Variants in CLTC observed in about 807,000 individuals in gnomAD.
The protein encoded by CLTC is clathrin heavy chain, also known as clathrin heavy chain 1.
Under a neutral mutation model 195.8 loss-of-function variants are expected in CLTC, and 16 were observed. The observed-to-expected ratio is 0.08, with a 90% CI of 0.06 to 0.12. The LOEUF (loss-of-function observed/expected upper bound fraction) is 0.12, where lower values mean the gene tolerates loss of function less well. Among genes scored for constraint, CLTC ranks in the 10% least tolerant of loss-of-function variants. CLTC has a pLI of 1.00. For missense variants in CLTC, 796 were observed against 2,027.0 expected (o/e 0.39, Z 11.66); for synonymous variants, 667 against 689.4 (o/e 0.97, Z 0.51).
chr17:59,643,131 G>GT (rs2032086159), intron 1 of CLTC, among the ~76,000 whole-genome samples: 1 of 136,218 alleles, frequency 7.3e-6, no homozygotes, highest in African/African-American at 3.3e-5. Flanking sequence ...TTCTTTTCTG[G>GT]GGTGTGTGTG....
rs2032261226 is a variant in CLTC, at chr17:59,648,904, A to G, written c.681+503A>G. Among the ~76,000 whole-genome samples, 1 of 152,202 alleles carries G rather than the reference A, an allele frequency of 6.6e-6. No homozygotes were observed. The highest frequency in any genetic ancestry group is 2.4e-5 in the African/African-American group (1 of 41,452). ...GAGACAGGGTCTCACTATACTGCCC[A>G]GGCTGGTCTCAAACCTCTGGGTCCA... On this transcript the variant is annotated intron_variant, in intron 4 of 31. Coordinates refer to ENST00000269122, the MANE Select transcript of CLTC (RefSeq NM_004859.4). The surrounding 1 kb of genome is among the most constrained non-coding windows in gnomAD (Gnocchi z 4.5).
chr17:59,656,735 A>G (rs1042508459), intron 6 of CLTC, among the ~76,000 whole-genome samples: 4 of 132,834 alleles, frequency 3.0e-5, no homozygotes, highest in East Asian at 2.2e-4. Flanking sequence ...GTGCAGTGGC[A>G]TGATCTCAGC....
At chr17:59,656,136 C>A in intron 6 of CLTC, 109 bp downstream of exon 6, 2 of 952,064 alleles carry the variant, frequency 2.1e-6, no homozygotes, top group Non-Finnish European at 3.0e-6. Context: ...AGAAAATAAA[C>A]ATATTACTGT....
chr17:59,694,617 C>T lies in CLTC; in HGVS notation c.*765C>T, dbSNP rs1296536186. 1 of 226,990 alleles carries T rather than the reference C, an allele frequency of 4.4e-6. No homozygotes were observed. Among genetic ancestry groups the T allele is most frequent in the Non-Finnish European group, 8.8e-6 (1 of 114,046 alleles). 14.1% of individuals were successfully genotyped at this position (226,990 alleles called of 1,614,324 possible). A position where few individuals can be genotyped will look rare whatever the true frequency, so the allele number is the denominator to read the frequency against. ...ATCTTGTGTGTGTTTACTAACCCTT[C>T]CCTGAGGTTTGTGTATGTTGGATAT... On this transcript the variant is annotated 3_prime_UTR_variant, in exon 32 of 32. Transcript: ENST00000269122.
chr17:59,640,149 C>G lies in CLTC; in HGVS notation c.43-4127C>G, dbSNP rs1299955143. Among the ~76,000 whole-genome samples, 3 of 152,112 alleles carry G rather than the reference C, an allele frequency of 2.0e-5. No individual in the cohort carries two copies. In the South Asian group the frequency reaches 6.2e-4, roughly 32 times the overall value. On this transcript the variant is annotated intron_variant, in intron 1 of 31. Coordinates refer to ENST00000269122, the MANE Select transcript of CLTC (RefSeq NM_004859.4). ...GACATAGTTATATAGTTTGGCCACC[C>G]TGTTACATGCTCCTACTGTAAGGGT... is the stretch of plus-strand genomic sequence containing the variant.
In CLTC at chr17:59,681,924, G is replaced by T. The variant is rs1441988960; in HGVS notation, c.3442+85G>T. On this transcript the variant is annotated intron_variant, in intron 21 of 31. Transcript: ENST00000269122. This position sits in a 1 kb window ranked among gnomAD's most constrained non-coding sequence, Gnocchi z 5.0. The stretch of plus-strand genomic sequence containing the variant: ...TATCTGTCTATTCTGAATTTTAGAA[G>T]AGTTGGATACTGCATGGTTTCTTTT... 2.8e-5 allele frequency: 34 copies of T among 1,225,744 alleles called. No individual in the cohort carries two copies. Among genetic ancestry groups the T allele is most frequent in the Non-Finnish European group, 3.6e-5 (32 of 881,368 alleles). The allele number at this position is 1,225,744 out of a possible 1,614,324, so 75.9% of individuals were successfully genotyped here.
In CLTC at chr17:59,683,783, T is replaced by C. The variant is rs371441592; in HGVS notation, c.4323+27T>C. Reference sequence around the variant, plus strand: ...TAAAGTAATAATTTTAAACCAAAGCTTCATAGCAAGGAATTAGGACATACT... The same window carrying C: ...TAAAGTAATAATTTTAAACCAAAGCCTCATAGCAAGGAATTAGGACATACT... On this transcript the variant is annotated intron_variant, in intron 27 of 31. Transcript: ENST00000269122. This position sits in a 1 kb window ranked among gnomAD's most constrained non-coding sequence, Gnocchi z 6.1. The C allele has an allele frequency of 1.6e-5, 26 of 1,613,902 alleles. No homozygotes were observed. In the African/African-American group the frequency reaches 2.9e-4, roughly 18 times the overall value.
chr17:59,679,576 G>C, intron 18 of CLTC, 57 bp downstream of exon 18: 1 of 1,488,604 alleles, frequency 6.7e-7, no homozygotes, highest in Non-Finnish European at 9.1e-7. Context: ...TTTTAACTAT[G>C]AATACAATCC....
chr17:59,668,616 C>G (rs1434155217), intron 13 of CLTC, among the ~76,000 whole-genome samples, 161 bp from the exon 14 acceptor site: 1 of 152,156 alleles, frequency 6.6e-6, no homozygotes, highest in Non-Finnish European at 1.5e-5. Context: ...ATCCATTTTA[C>G]TGATCTGATT....
At position 59,685,600 on chromosome 17, in the gene CLTC, A is replaced by G; in HGVS notation, c.4619A>G (p.Tyr1540Cys). 1 of 1,613,910 alleles carries G rather than the reference A, an allele frequency of 6.2e-7. No homozygotes were observed. Among genetic ancestry groups the G allele is most frequent in the Non-Finnish European group, 8.5e-7 (1 of 1,179,808 alleles). ...TTCTTTGAATAGGATGCAATGCAGTATGCTTCTGAATCTAAAGATACTGAA... is the reference window on the plus strand; with the variant it reads ...TTCTTTGAATAGGATGCAATGCAGTGTGCTTCTGAATCTAAAGATACTGAA... ...KDSLYKDAMQYASESKDTELA... is the reference protein window; with the variant it reads ...KDSLYKDAMQCASESKDTELA... Residue 1540 changes from tyrosine (Y) to cysteine (C), a missense_variant, in exon 30 of 32, where the codon TAT becomes TGT. Coordinates refer to ENST00000269122, the MANE Select transcript of CLTC (RefSeq NM_004859.4). The surrounding 1 kb of genome is among the most constrained non-coding windows in gnomAD (Gnocchi z 5.0).
rs1567946039 is a variant in CLTC, at chr17:59,651,335, A to C, written c.795+19A>C. On this transcript the variant is annotated intron_variant, in intron 5 of 31. Transcript: ENST00000269122. ...AATGCAGGTATTTTAAGCAAAATAA[A>C]TGACTTTTTAAAAATCTCTCCTCTT... 2.6e-6 allele frequency: 4 copies of C among 1,535,348 alleles called. 1 individual carries two copies. In the South Asian group the frequency reaches 3.4e-5, roughly 13 times the overall value.
Position 59,685,112 on chromosome 17 carries a change from G to A in CLTC, c.4491G>A (p.Gln1497=). The A allele has an allele frequency of 6.2e-7, 1 of 1,609,534 alleles. No individual in the cohort carries two copies. Among genetic ancestry groups the A allele is most frequent in the Non-Finnish European group, 8.5e-7 (1 of 1,177,052 alleles). ...YDNFDNISLA[Q]RLEKHELIEF... is the part of the protein sequence containing the mutation. ...ACTTTGACAATATCTCGCTTGCTCA[G>A]CGTTTGGAAAAACATGAACTCATTG... The change falls in exon 29 of 32, where the codon CAG becomes CAA. Residue 1497 remains glutamine (Q), a synonymous_variant. Transcript: ENST00000269122. This position sits in a 1 kb window ranked among gnomAD's most constrained non-coding sequence, Gnocchi z 5.0.
At chr17:59,664,693 G>T in intron 9 of CLTC, 94 bp from the exon 10 acceptor site, 1 of 1,338,916 alleles carries the variant, frequency 7.5e-7, no homozygotes, top group South Asian at 1.6e-5. Context: ...TTCACCAGTA[G>T]TTCTATATTA....
In CLTC at chr17:59,675,839, C is replaced by CTAGA. The variant is rs2143578085; in HGVS notation, c.2561+997_2561+1000dup. ...CTAGATTCACATCTAAGTCACTAGT[C>CTAGA]TAGACATGCCTCAGCTAATTTTTAT... On this transcript the variant is annotated intron_variant, in intron 16 of 31. Coordinates refer to ENST00000269122, the MANE Select transcript of CLTC (RefSeq NM_004859.4). Among the ~76,000 whole-genome samples the CTAGA allele has an allele frequency of 2.0e-5, 3 of 152,324 alleles. No individual in the cohort carries two copies. In the East Asian group the frequency reaches 5.8e-4, roughly 29 times the overall value.
At chr17:59,637,986 T>TA (rs145090759) in intron 1 of CLTC, among the ~76,000 whole-genome samples, 79,539 of 132,406 alleles carry the variant, frequency 0.6, 26,048 homozygotes, top group Non-Finnish European at 0.73. Context: ...AAAACAAACT[T>TA]TAAAAAAAAA....
At chr17:59,676,766 T>G (rs181529459) in intron 16 of CLTC, among the ~76,000 whole-genome samples, 188 bp from the exon 17 acceptor site, 3 of 152,214 alleles carry the variant, frequency 2.0e-5, no homozygotes. Context: ...AAGGCTGTAG[T>G]GCACAATGAT....
At chr17:59,692,496 C>T (rs1043625807) in intron 31 of CLTC, among the ~76,000 whole-genome samples, 7 of 152,160 alleles carry the variant, frequency 4.6e-5, no homozygotes, top group African/African-American at 1.7e-4. Context: ...CTTGTTTTCG[C>T]TCTCTAAGCC....
At chr17:59,674,873 A>T (rs1212714215) in intron 16 of CLTC, 30 bp downstream of exon 16, 1 of 1,597,868 alleles carries the variant, frequency 6.3e-7, no homozygotes. Flanking sequence ...GGGATAAGTT[A>T]CTCTTTCTTA....
At chr17:59,664,699 T>G (rs553584248) in intron 9 of CLTC, 88 bp from the exon 10 acceptor site, 10 of 1,423,798 alleles carry the variant, frequency 7.0e-6, no homozygotes, top group Middle Eastern at 2.0e-4. Flanking sequence ...AGTAGTTCTA[T>G]ATTAGTGAGA....
Sources: allele counts gnomAD v4.1 joint callset (sites outside exome capture counted in the v4.1 genomes callset), GRCh38; gene constraint gnomAD v4.1.1; non-coding constraint Gnocchi (gnomAD v3.1); transcripts MANE v1.5; gene names NCBI Gene and HGNC (gene_info 2026-07-23, HGNC 2026-07-21).